Variants in SRFBP1 observed in about 807,000 individuals in gnomAD.
SRFBP1 encodes the protein serum response factor-binding protein 1.
Under a neutral mutation model 45.5 loss-of-function variants are expected in SRFBP1, and 47 were observed. That is an observed-to-expected ratio of 1.03 (90% CI 0.82 to 1.32). The LOEUF (loss-of-function observed/expected upper bound fraction) is 1.32. Ranked by LOEUF, SRFBP1 falls within the 40% of genes most tolerant of loss-of-function variation. The pLI is 0.00. For missense variants in SRFBP1, 621 were observed against 484.6 expected, an observed-to-expected ratio of 1.28 and a Z score of -2.64; for synonymous variants, 203 against 166.3, an observed-to-expected ratio of 1.22 and a Z score of -1.70.
intron 2 of SRFBP1, among the ~76,000 whole-genome samples, chr5:122,067,699 G>A (rs1012325896): frequency 6.6e-5 from 10 of 151,980 alleles, no homozygotes; most frequent in African/African-American, 2.2e-4. Flanking sequence ...TGTCCAACTC[G>A]TAACTCCACA....
At chr5:122,012,106 T>C (rs1328773082) in intron 4 of SRFBP1, among the ~76,000 whole-genome samples, 1 of 152,160 alleles carries the variant, frequency 6.6e-6, no homozygotes, top group Non-Finnish European at 1.5e-5. Context: ...AGTTCTAGCT[T>C]GTTCCTAATT....
chr5:122,042,432 T>G (rs1478165503), intron 2 of SRFBP1, among the ~76,000 whole-genome samples: 1 of 152,002 alleles, frequency 6.6e-6, no homozygotes, highest in Non-Finnish European at 1.5e-5. Flanking sequence ...ACACCTGGCT[T>G]TGTAGAGACA....
rs189327725 is a variant in SRFBP1 at position 121,992,709 on chromosome 5, A to T, written c.199-1890A>T. Among the ~76,000 whole-genome samples, 16 of 152,136 alleles carry T rather than the reference A, an allele frequency of 1.1e-4. No individual in the cohort carries two copies. In the South Asian group the frequency reaches 2.3e-3, roughly 22 times the overall value. On this transcript the variant is annotated intron_variant, in intron 3 of 7. Transcript: ENST00000339397. ...TGCGTATCATACTACTAGAACTACA[A>T]ATGGTTTTCCCTTTCTCAATCAAAT...
At chr5:121,985,459 G>T (rs1465963080) in intron 3 of SRFBP1, among the ~76,000 whole-genome samples, 1 of 151,664 alleles carries the variant, frequency 6.6e-6, no homozygotes, top group Non-Finnish European at 1.5e-5. Flanking sequence ...TTTAAACTCA[G>T]ATATCAACAT....
chr5:121,986,461 G>A (rs1010449466), intron 3 of SRFBP1, among the ~76,000 whole-genome samples: 1 of 151,940 alleles, frequency 6.6e-6, no homozygotes, highest in African/African-American at 2.4e-5. Flanking sequence ...AATTTCCCTG[G>A]GATTGTCCTG....
chr5:122,064,599 A>C (rs1754249517), intron 2 of SRFBP1: 1 of 151,988 alleles, frequency 6.6e-6, no homozygotes, highest in Admixed American at 6.6e-5. Flanking sequence ...GGTCATGAAA[A>C]ACAATAGTGC....
chr5:122,070,473 T>A, intron 2 of SRFBP1: 1 of 1,317,352 alleles, frequency 7.6e-7, no homozygotes, highest in South Asian at 1.2e-5. Flanking sequence ...CAATATATGA[T>A]ATATTTTCAA....
chr5:121,978,473 A>G (rs2914610), intron 3 of SRFBP1, among the ~76,000 whole-genome samples: 113,998 of 152,064 alleles, frequency 0.75, 43,876 homozygotes, highest in East Asian at 0.91. Flanking sequence ...GTAAATATAC[A>G]CAGTAGCCTA....
chr5:121,972,708 T>C (rs1310563863), intron 1 of SRFBP1, among the ~76,000 whole-genome samples: 1 of 151,728 alleles, frequency 6.6e-6, no homozygotes, highest in Non-Finnish European at 1.5e-5. Flanking sequence ...AAGTCAAAGA[T>C]GGTTGTGGTG....
chr5:122,071,193 ATGTGTGTGTG>A (rs35544795), intron 2 of SRFBP1, among the ~76,000 whole-genome samples: 94 of 149,928 alleles, frequency 6.3e-4, no homozygotes, highest in African/African-American at 2.0e-3. Context: ...AAACATTTAT[ATGTGTGTGTG>A]TGTGTGTGTG....
chr5:122,039,123 A>G (rs1561405303), intron 2 of SRFBP1, among the ~76,000 whole-genome samples: 1 of 152,212 alleles, frequency 6.6e-6, no homozygotes, highest in African/African-American at 2.4e-5. Flanking sequence ...CGTAACTATA[A>G]CAGAACGGTG....
chr5:122,023,623 G>A (rs565838970), intron 7 of SRFBP1, among the ~76,000 whole-genome samples: 2 of 152,184 alleles, frequency 1.3e-5, no homozygotes, highest in Non-Finnish European at 2.9e-5. Flanking sequence ...TTCATGGTCC[G>A]TGTCTAGGGA....
chr5:121,982,616 A>G (rs1443500095), intron 3 of SRFBP1, among the ~76,000 whole-genome samples: 1 of 151,892 alleles, frequency 6.6e-6, no homozygotes, highest in Non-Finnish European at 1.5e-5. Flanking sequence ...TTGAAAACAA[A>G]GAGCAAGTTG....
intron 4 of SRFBP1, among the ~76,000 whole-genome samples, chr5:122,011,101 C>T (rs1267280430): frequency 6.6e-6 from 1 of 152,004 alleles, no homozygotes; most frequent in Non-Finnish European, 1.5e-5. Flanking sequence ...AAATTAAGTC[C>T]ATCTGATATT....
intron 4 of SRFBP1, among the ~76,000 whole-genome samples, chr5:122,018,688 C>T (rs942482052): frequency 2.0e-5 from 3 of 152,056 alleles, no homozygotes; most frequent in Admixed American, 2.0e-4. Flanking sequence ...AAGTCATTAG[C>T]CGGCATTATG....
chr5:122,058,570 G>GTA (rs1017960578), intron 2 of SRFBP1, among the ~76,000 whole-genome samples: 3 of 144,412 alleles, frequency 2.1e-5, no homozygotes, highest in Non-Finnish European at 4.5e-5. Flanking sequence ...GTGTGTGTGT[G>GTA]TATAAAGCCC....
chr5:122,044,240 C>T (rs946606100), intron 2 of SRFBP1, among the ~76,000 whole-genome samples: 23 of 152,214 alleles, frequency 1.5e-4, no homozygotes, highest in Admixed American at 1.4e-3. Context: ...TTTTCTTTAT[C>T]GAGTCTAACA....
intron 2 of SRFBP1, among the ~76,000 whole-genome samples, chr5:122,067,819 C>T (rs911957486): frequency 6.6e-6 from 1 of 152,040 alleles, no homozygotes; most frequent in African/African-American, 2.4e-5. Context: ...GCTTCCTTTC[C>T]TTAATGCTCC....
intron 7 of SRFBP1, among the ~76,000 whole-genome samples, chr5:122,023,110 T>C (rs1380694323): frequency 6.6e-6 from 1 of 152,214 alleles, no homozygotes; most frequent in Non-Finnish European, 1.5e-5. Flanking sequence ...TACTCACATA[T>C]CATTAGCCAG....
Sources: allele counts gnomAD v4.1 joint callset (sites outside exome capture counted in the v4.1 genomes callset), GRCh38; gene constraint gnomAD v4.1.1; transcripts MANE v1.5; gene names NCBI Gene and HGNC (gene_info 2026-07-23, HGNC 2026-07-21).